Variants in SH3BP2 observed in about 807,000 individuals in gnomAD.
The protein encoded by SH3BP2 is SH3 domain-binding protein 2.
A neutral mutation model predicts 56.2 loss-of-function variants in SH3BP2; 38 were observed. The ratio of observed to expected loss-of-function variants is 0.68; its 90% CI spans 0.52 to 0.89. The LOEUF is 0.89. SH3BP2 is among the 40% of genes least tolerant of loss of function. The probability of loss-of-function intolerance (pLI) is 0.00; values close to 1 mark genes in which losing one functional copy is unlikely to be tolerated. For synonymous variants in SH3BP2, 346 were observed against 316.7 expected, an observed-to-expected ratio of 1.09 and a Z score of -0.98; for missense variants, 748 against 762.6, an observed-to-expected ratio of 0.98 and a Z score of 0.23.
chr4:2,823,274 A>C, intron 3 of SH3BP2: 1 of 585,224 alleles, frequency 1.7e-6, no homozygotes, highest in East Asian at 3.4e-5. Context: ...GGCTTTGTGC[A>C]CAAGTCCCAG....
rs552044565 is a variant in SH3BP2 at position 2,831,119 on chromosome 4, C to G, written c.1242-452C>G. Among the ~76,000 whole-genome samples the G allele has an allele frequency of 5.3e-5, 8 of 152,254 alleles. No individual in the cohort carries two copies. The highest frequency in any genetic ancestry group is 1.2e-4 in the Non-Finnish European group (8 of 68,050). On this transcript the variant is annotated intron_variant, in intron 8 of 12. Coordinates refer to ENST00000503393, the MANE Select transcript of SH3BP2 (RefSeq NM_001122681.2). The surrounding 1 kb of genome is among the most constrained non-coding windows in gnomAD (Gnocchi z 4.1). ...CCTCCCTAGAGCCTTTGAGGCTTTG[C>G]TGAGCAGGACCGGCTAGCCACACAG...
chr4:2,802,341 C>G (rs1723314387), intron 1 of SH3BP2, among the ~76,000 whole-genome samples: 1 of 151,196 alleles, frequency 6.6e-6, no homozygotes, highest in African/African-American at 2.4e-5. Flanking sequence ...TTGCAATGAG[C>G]CAAGATCGTG....
In SH3BP2 at chr4:2,831,368, G is replaced by A. The variant is rs537497533; in HGVS notation, c.1242-203G>A. Among the ~76,000 whole-genome samples the A allele has an allele frequency of 5.9e-5, 9 of 152,286 alleles. No individual in the cohort carries two copies. Among genetic ancestry groups the A allele is most frequent in the African/African-American group, 2.2e-4 (9 of 41,558 alleles). On this transcript the variant is annotated intron_variant, in intron 8 of 12. Transcript: ENST00000503393. This position sits in a 1 kb window ranked among gnomAD's most constrained non-coding sequence, Gnocchi z 4.1. ...ATGGCAGCCCTGACCCCTGACTCCG[G>A]TGTCGGGCGATTCCTGCTGTCCCAG...
In SH3BP2 at chr4:2,836,657, C is replaced by T. The variant is rs756866965; in HGVS notation, c.*2823C>T. On this transcript the variant is annotated 3_prime_UTR_variant, in exon 13 of 13. Coordinates refer to ENST00000503393, the MANE Select transcript of SH3BP2 (RefSeq NM_001122681.2). ...CGTTGTGGGGGTCTCTTGCCTGGCT[C>T]CCAGGGCTAGGGTTAGGGCTCTGGA... 3.9e-5 allele frequency: 6 copies of T among 152,282 alleles called. No individual in the cohort carries two copies. The highest frequency in any genetic ancestry group is 1.3e-4 in the Admixed American group (2 of 15,292). The allele number at this position is 152,282 out of a possible 1,614,324, so 9.4% of individuals were successfully genotyped here. A position where few individuals can be genotyped will look rare whatever the true frequency, so the allele number is the denominator to read the frequency against.
chr4:2,802,642 T>C (rs1723353725), intron 1 of SH3BP2, among the ~76,000 whole-genome samples: 1 of 149,542 alleles, frequency 6.7e-6, no homozygotes, highest in South Asian at 2.1e-4. Context: ...GTGGTGTGTG[T>C]ATATATATAT....
Position 2,831,697 on chromosome 4 carries a change from G to A in SH3BP2, c.1350+18G>A, listed in dbSNP as rs780892046. On this transcript the variant is annotated intron_variant, in intron 9 of 12. Transcript: ENST00000503393. The surrounding 1 kb of genome is among the most constrained non-coding windows in gnomAD (Gnocchi z 4.1). ...ATGAGAAGGCAAGGCTGAGCGGCAAGCCTGGGTCCCAGTGGCCAGTAGGTG... is the reference window on the plus strand; with the variant it reads ...ATGAGAAGGCAAGGCTGAGCGGCAAACCTGGGTCCCAGTGGCCAGTAGGTG... 6.4e-7 allele frequency: 1 copy of A among 1,572,220 alleles called. No individual in the cohort carries two copies. The highest frequency in any genetic ancestry group is 2.3e-5 in the East Asian group (1 of 42,856).
At chr4:2,833,630 G>T (rs1424743476) in intron 12 of SH3BP2, 67 bp from the exon 13 acceptor site, 2 of 1,559,960 alleles carry the variant, frequency 1.3e-6, no homozygotes, top group African/African-American at 1.4e-5. Flanking sequence ...TACAGACGGG[G>T]AGACTGAGGC....
chr4:2,821,648 C>T (rs995776678), intron 2 of SH3BP2, among the ~76,000 whole-genome samples: 3 of 152,166 alleles, frequency 2.0e-5, no homozygotes, highest in South Asian at 2.1e-4. Flanking sequence ...CAGCCTCAAC[C>T]TCCCAGGCTC....
chr4:2,809,612 C>T (rs895188426), intron 1 of SH3BP2, among the ~76,000 whole-genome samples: 1 of 152,226 alleles, frequency 6.6e-6, no homozygotes, highest in Non-Finnish European at 1.5e-5. Flanking sequence ...TCCTCTTGGG[C>T]TGTGAGCCTT....
chr4:2,825,950 C>G (rs1724591649), intron 5 of SH3BP2, among the ~76,000 whole-genome samples: 1 of 152,256 alleles, frequency 6.6e-6, no homozygotes, highest in Non-Finnish European at 1.5e-5. Flanking sequence ...AGGGAACAAA[C>G]CTTCCTGTCC....
chr4:2,832,416 G>GGCGCCAGGGGAAGAT lies in SH3BP2; in HGVS notation c.1488+7_1488+21dup. 6.2e-7 allele frequency: 1 copy of GGCGCCAGGGGAAGAT among 1,613,362 alleles called. No individual in the cohort carries two copies. Among genetic ancestry groups the GGCGCCAGGGGAAGAT allele is most frequent in the Non-Finnish European group, 8.5e-7 (1 of 1,179,380 alleles). ...CTCCTCTACCAAGTCGGGGAAGGTAGGCGCCAGGGGAAGATGCCCCAGGGC... is the reference window on the plus strand; with the variant it reads ...CTCCTCTACCAAGTCGGGGAAGGTAGGCGCCAGGGGAAGATGCGCCAGGGGAAGATGCCCCAGGGC... On this transcript the variant is annotated splice_donor_region_variant and intron_variant, in intron 11 of 12. Transcript: ENST00000503393.
At chr4:2,803,835 T>G (rs758109085) in intron 1 of SH3BP2, among the ~76,000 whole-genome samples, 16 of 152,174 alleles carry the variant, frequency 1.1e-4, no homozygotes, top group Non-Finnish European at 2.4e-4. Flanking sequence ...TGTCAACGTG[T>G]CTGGGTGGAA....
Position 2,829,720 on chromosome 4 carries a change from G to C in SH3BP2, c.814G>C (p.Ala272Pro). 6.2e-7 allele frequency: 1 copy of C among 1,612,698 alleles called. No individual in the cohort carries two copies. The highest frequency in any genetic ancestry group is 8.5e-7 in the Non-Finnish European group (1 of 1,179,760). Residue 272 changes from alanine (A) to proline (P), a missense_variant, in exon 8 of 13, where the codon GCT becomes CCT. This residue lies in a region of SH3BP2 where 635 missense variants were observed against 615.0 expected (regional missense o/e 1.03). Coordinates refer to ENST00000503393, the MANE Select transcript of SH3BP2 (RefSeq NM_001122681.2). This position sits in a 1 kb window ranked among gnomAD's most constrained non-coding sequence, Gnocchi z 4.9. ...GGCTGAGCCTTGCCCCAGGGTACCT[G>C]CTACCCCCCGAAGGATGAGCGATCC... ...RRAEPCPRVPATPRRMSDPPL... is the reference protein window; with the variant it reads ...RRAEPCPRVPPTPRRMSDPPL...
intron 1 of SH3BP2, among the ~76,000 whole-genome samples, chr4:2,796,866 G>C (rs1054467928): frequency 3.9e-5 from 6 of 152,248 alleles, no homozygotes; most frequent in Non-Finnish European, 7.3e-5. Flanking sequence ...CCGCGAGGCA[G>C]GGGCCGAGGG....
intron 1 of SH3BP2, among the ~76,000 whole-genome samples, chr4:2,817,155 T>A (rs935353359): frequency 2.0e-5 from 3 of 151,724 alleles, no homozygotes; most frequent in African/African-American, 7.3e-5. Context: ...AGGGCAGGAG[T>A]GGCTGAATCA....
At position 2,797,305 on chromosome 4, in the gene SH3BP2, G is replaced by A. The variant is rs568567913; in HGVS notation, c.-5+4167G>A. Among the ~76,000 whole-genome samples, 35 of 152,286 alleles carry A rather than the reference G, an allele frequency of 2.3e-4. 1 individual carries two copies. The highest frequency in any genetic ancestry group is 2.2e-3 in the Admixed American group (33 of 15,306). ...TTTTTCTCAGCCTTGGGAGTCTGGG[G>A]CAGTGGTGCGCCTTTACCACCCACC... On this transcript the variant is annotated intron_variant, in intron 1 of 12. Transcript: ENST00000503393.
At chr4:2,822,242 A>G (rs1724350351) in intron 2 of SH3BP2, among the ~76,000 whole-genome samples, 1 of 151,990 alleles carries the variant, frequency 6.6e-6, no homozygotes, top group Non-Finnish European at 1.5e-5. Context: ...TGCAGCCTCG[A>G]CCTCCTGGGC....
At chr4:2,813,585 T>C (rs1577348076) in intron 1 of SH3BP2, among the ~76,000 whole-genome samples, 1 of 151,470 alleles carries the variant, frequency 6.6e-6, no homozygotes, top group Non-Finnish European at 1.5e-5. Flanking sequence ...GGGCTGGGAG[T>C]GGTGGTGATG....
At chr4:2,832,277 G>T (rs1035475162) in intron 10 of SH3BP2, 54 bp from the exon 11 acceptor site, 1 of 1,442,320 alleles carries the variant, frequency 6.9e-7, no homozygotes, top group African/African-American at 1.4e-5. Flanking sequence ...GGGAAGGTCC[G>T]TGTGAAAGCT....
Sources: gnomAD v4.1 joint callset for allele counts (sites outside exome capture counted in the v4.1 genomes callset) on GRCh38, gnomAD v4.1.1 for gene constraint, gnomAD v4.1.1 regional missense constraint, Gnocchi (gnomAD v3.1) non-coding constraint, MANE v1.5 for transcripts, NCBI Gene and HGNC (gene_info 2026-07-23, HGNC 2026-07-21) for gene names.